Variants in VEPH1 observed in about 807,000 individuals in gnomAD.
The protein encoded by VEPH1 is ventricular zone-expressed PH domain-containing protein homolog 1.
In VEPH1, 80 loss-of-function variants were observed where a neutral mutation model predicts 85.2. The observed-to-expected ratio is 0.94, with a 90% CI of 0.78 to 1.13. The LOEUF (loss-of-function observed/expected upper bound fraction) is 1.13, where lower values mean the gene tolerates loss of function less well. Ranked by LOEUF, VEPH1 falls within the 50% of genes most tolerant of loss-of-function variation. The probability of loss-of-function intolerance (pLI) is 0.00; values close to 1 mark genes in which losing one functional copy is unlikely to be tolerated. For missense variants in VEPH1, 955 were observed against 980.5 expected (o/e 0.97, Z 0.35); for synonymous variants, 297 against 348.0 (o/e 0.85, Z 1.63).
chr3:157,452,442 C>T (rs1426840549), intron 4 of VEPH1, among the ~76,000 whole-genome samples: 1 of 152,110 alleles, frequency 6.6e-6, no homozygotes, highest in Non-Finnish European at 1.5e-5. Flanking sequence ...TGGGAGGCCA[C>T]AAGGGGAGAA....
intron 9 of VEPH1, among the ~76,000 whole-genome samples, chr3:157,344,289 A>G (rs1577391040): frequency 1.3e-5 from 2 of 152,222 alleles, no homozygotes; most frequent in Admixed American, 6.5e-5. Flanking sequence ...CCATCATCTC[A>G]GCCCAAAATC....
intron 4 of VEPH1, among the ~76,000 whole-genome samples, chr3:157,459,189 T>C (rs1577706502): frequency 1.3e-5 from 2 of 152,134 alleles, no homozygotes; most frequent in Non-Finnish European, 2.9e-5. Context: ...CAGCACGGAG[T>C]TCCCAGGAGT....
At position 157,261,127 on chromosome 3, in the gene VEPH1, T is replaced by C. The variant is rs767086494; in HGVS notation, c.*7A>G. The C allele has an allele frequency of 2.5e-5, 40 of 1,586,486 alleles. No individual in the cohort carries two copies. Among genetic ancestry groups the C allele is most frequent in the Non-Finnish European group, 3.3e-5 (39 of 1,171,256 alleles). On this transcript the variant is annotated 3_prime_UTR_variant, in exon 14 of 14. Coordinates refer to ENST00000362010, the MANE Select transcript of VEPH1 (RefSeq NM_001167912.2). ...GTGTATAATTGTCATGGCTGACTTA[T>C]AAATCCCTACAGATATGTGGTTACT...
At chr3:157,363,228 T>G (rs1436364765) in intron 9 of VEPH1, 136 bp downstream of exon 9, 1 of 767,426 alleles carries the variant, frequency 1.3e-6, no homozygotes, top group Non-Finnish European at 2.0e-6. Flanking sequence ...ACTAACATAA[T>G]GTAAGGTATT....
chr3:157,457,903 C>T (rs35638371), intron 4 of VEPH1, among the ~76,000 whole-genome samples: 21,995 of 151,438 alleles, frequency 0.15, 2,018 homozygotes, highest in African/African-American at 0.24. Context: ...AGGAGTCTCT[C>T]CTCCTCAATT....
At chr3:157,449,404 G>T (rs1734787563) in intron 4 of VEPH1, among the ~76,000 whole-genome samples, 1 of 152,094 alleles carries the variant, frequency 6.6e-6, no homozygotes. Context: ...GTGGACAATT[G>T]TCTCAAAACC....
At chr3:157,292,521 G>T (rs1186399980) in intron 11 of VEPH1, among the ~76,000 whole-genome samples, 1 of 151,686 alleles carries the variant, frequency 6.6e-6, no homozygotes, top group Non-Finnish European at 1.5e-5. Flanking sequence ...GTGAAACCTC[G>T]TTTCTACTAA....
rs542041769 is a variant in VEPH1, at chr3:157,449,964, A to G, written c.529+10217T>C. Among the ~76,000 whole-genome samples, 6 of 151,450 alleles carry G rather than the reference A, an allele frequency of 4.0e-5. No homozygotes were observed. In the South Asian group the frequency reaches 1.0e-3, roughly 26 times the overall value. ...ATTATGACTAGTATGTAAGAAAAAA[A>G]CTAGTTTCTCTAAATTGATCTCACT... On this transcript the variant is annotated intron_variant, in intron 4 of 13. Transcript: ENST00000362010.
intron 13 of VEPH1, among the ~76,000 whole-genome samples, chr3:157,262,508 T>C (rs2108232109): frequency 6.6e-6 from 1 of 151,566 alleles, no homozygotes; most frequent in Middle Eastern, 3.4e-3. Flanking sequence ...CAGGATAAAA[T>C]GCTGTGATAG....
intron 4 of VEPH1, among the ~76,000 whole-genome samples, chr3:157,455,387 T>C (rs969330861): frequency 1.3e-5 from 2 of 151,968 alleles, no homozygotes; most frequent in Non-Finnish European, 2.9e-5. Context: ...ACTGCTTTCA[T>C]GTCTTCTTTT....
rs141728298 is a variant in VEPH1, at chr3:157,408,664, T to C, written c.906+5217A>G. ...GTACAACCAAATTACTATGGAAGTA[T>C]AGACTGGGAGTGACTAACTTTGCCT... On this transcript the variant is annotated intron_variant, in intron 6 of 13. Transcript: ENST00000362010. Among the ~76,000 whole-genome samples the C allele has an allele frequency of 6.6e-5, 10 of 152,258 alleles. No homozygotes were observed. The East Asian group carries it at 1.9e-3, about 29-fold the overall frequency.
chr3:157,360,870 A>C (rs1462372244), intron 9 of VEPH1, among the ~76,000 whole-genome samples: 1 of 152,224 alleles, frequency 6.6e-6, no homozygotes, highest in Non-Finnish European at 1.5e-5. Flanking sequence ...AAATAGCTCA[A>C]GGCAATAAGA....
In VEPH1 at chr3:157,485,307, C is replaced by G. The variant is rs1425385067; in HGVS notation, c.138+9905G>C. ...GGTAACAATATGAAGAACAATATGA[C>G]AAGTTCCTGCACATGTAGGCCATGA... On this transcript the variant is annotated intron_variant, in intron 2 of 13. Transcript: ENST00000362010. Among the ~76,000 whole-genome samples, 7 of 152,258 alleles carry G rather than the reference C, an allele frequency of 4.6e-5. No individual in the cohort carries two copies. In the East Asian group the frequency reaches 1.3e-3, roughly 29 times the overall value.
At chr3:157,330,662 A>C (rs960387908) in intron 9 of VEPH1, among the ~76,000 whole-genome samples, 1 of 152,194 alleles carries the variant, frequency 6.6e-6, no homozygotes, top group East Asian at 1.9e-4. Context: ...AGTTTCAGTA[A>C]GGAGCCTAAA....
chr3:157,291,396 T>C (rs1226588403), intron 11 of VEPH1, among the ~76,000 whole-genome samples: 2 of 152,238 alleles, frequency 1.3e-5, no homozygotes, highest in East Asian at 3.8e-4. Context: ...ATGCTGTTTG[T>C]TGAATAAATA....
chr3:157,380,979 C>T, intron 7 of VEPH1, 177 bp downstream of exon 7: 2 of 630,936 alleles, frequency 3.2e-6, no homozygotes, highest in Non-Finnish European at 5.5e-6. Context: ...TTGTTACATT[C>T]TGGTTTTCAC....
rs1262978660 is a variant in VEPH1 at position 157,385,359 on chromosome 3, T to C, written c.907-3983A>G. ...TTATATAAATATTATAAATACTCTG[T>C]ATATACAAAATAGATCAGCAATTCT... On this transcript the variant is annotated intron_variant, in intron 6 of 13. Transcript: ENST00000362010. 2.0e-5 allele frequency among the ~76,000 whole-genome samples: 3 copies of C among 152,122 alleles called. No homozygotes were observed. The East Asian group carries it at 5.8e-4, about 29-fold the overall frequency.
upstream of VEPH1, chr3:157,503,502 TTCTC>T (rs890844177): frequency 2.0e-5 from 3 of 152,226 alleles, no homozygotes; most frequent in African/African-American, 7.2e-5. Context: ...GTAACTTTTC[TTCTC>T]TCTCCCAAAC....
intron 4 of VEPH1, chr3:157,442,914 G>A (rs1360310510): frequency 1.9e-6 from 3 of 1,614,060 alleles, no homozygotes; most frequent in Non-Finnish European, 2.5e-6. Context: ...TCACATCCGG[G>A]GGAATATTGT....
Sources: allele counts gnomAD v4.1 joint callset (sites outside exome capture counted in the v4.1 genomes callset), GRCh38; gene constraint gnomAD v4.1.1; transcripts MANE v1.5; gene names NCBI Gene and HGNC (gene_info 2026-07-23, HGNC 2026-07-21).